The following CELSR1 variants were observed in gnomAD, a reference collection of about 807,000 sequenced individuals.
CELSR1 encodes the protein adhesion G protein-coupled receptor C1.
In CELSR1, 110 loss-of-function variants were observed where a neutral mutation model predicts 249.1. The ratio of observed to expected loss-of-function variants is 0.44; its 90% CI spans 0.38 to 0.52. The LOEUF (loss-of-function observed/expected upper bound fraction) is 0.52, where lower values mean the gene tolerates loss of function less well. CELSR1 is among the 20% of genes least tolerant of loss of function. CELSR1 has a pLI of 0.00. For missense variants in CELSR1, 4,109 were observed against 4,296.4 expected (o/e 0.96, Z 1.22); for synonymous variants, 2,113 against 1,900.0 (o/e 1.11, Z -2.92).
chr22:46,421,476 A>G (rs11705266), intron 5 of CELSR1, among the ~76,000 whole-genome samples: 37,684 of 152,170 alleles, frequency 0.25, 5,534 homozygotes, highest in African/African-American at 0.41. Context: ...CTTGCCTCCG[A>G]GAATCACCAC....
In CELSR1 at chr22:46,377,091, G is replaced by C. The variant is rs116079347; in HGVS notation, c.7554C>G (p.Phe2518Leu). ...TTTCCGTCTGGTTGATCCCAATCACGAACACCAGCTGAGAGAGGAAGAGCG... is the reference window on the plus strand; with the variant it reads ...TTTCCGTCTGGTTGATCCCAATCACCAACACCAGCTGAGAGAGGAAGAGCG... ...AVALFLSQLVFVIGINQTENP... is the reference protein window; with the variant it reads ...AVALFLSQLVLVIGINQTENP... The change falls in exon 24 of 35, where the codon TTC becomes TTG. Residue 2518 changes from phenylalanine to leucine, a missense_variant. Physicochemically the swap from Phe to Leu is conservative, Grantham distance 22. Transcript: ENST00000674500. 1 of 1,613,254 alleles carries C rather than the reference G, an allele frequency of 6.2e-7. No individual in the cohort carries two copies. Among genetic ancestry groups the C allele is most frequent in the Non-Finnish European group, 8.5e-7 (1 of 1,179,874 alleles).
At position 46,488,723 on chromosome 22, in the gene CELSR1, G is replaced by C. The variant is rs1389995716; in HGVS notation, c.3545-24378C>G. ...CACCCAGGCTGGAGTTCAGTGGCGT[G>C]ATCTCGGCTCACTGCAAGCTCCACC... On this transcript the variant is annotated intron_variant, in intron 1 of 34. Coordinates refer to ENST00000674500, the MANE Select transcript of CELSR1 (RefSeq NM_001378328.1). The surrounding 1 kb of genome is among the most constrained non-coding windows in gnomAD (Gnocchi z 4.7). Among the ~76,000 whole-genome samples the C allele has an allele frequency of 1.3e-5, 2 of 150,944 alleles. No individual in the cohort carries two copies. The highest frequency in any genetic ancestry group is 2.9e-5 in the Non-Finnish European group (2 of 67,822).
rs749327821 is a variant in CELSR1, at chr22:46,439,169, G to A, written c.4406+20C>T. ...TTTCCTAAAGAGACCCCCGTGTGGC[G>A]CGGCGGGACGCACACTCACGTGAGG... On this transcript the variant is annotated intron_variant, in intron 3 of 34. Transcript: ENST00000674500. The A allele has an allele frequency of 6.8e-5, 109 of 1,601,384 alleles. No individual in the cohort carries two copies. The highest frequency in any genetic ancestry group is 2.1e-4 in the South Asian group (19 of 90,040).
At chr22:46,463,133 A>G (rs1283308590) in intron 2 of CELSR1, among the ~76,000 whole-genome samples, 1 of 152,196 alleles carries the variant, frequency 6.6e-6, no homozygotes, top group Non-Finnish European at 1.5e-5. Flanking sequence ...ACCTTGTCCT[A>G]CTGTTCTCCT....
rs1195640552 is a variant in CELSR1 at position 46,490,857 on chromosome 22, G to A, written c.3545-26512C>T. ...GTGCCGCACCCTGATCCTCCAGGCA[G>A]TCCAAATGGCCAGGTGTCATTTTCG... is the stretch of plus-strand genomic sequence containing the variant. On this transcript the variant is annotated intron_variant, in intron 1 of 34. Coordinates refer to ENST00000674500, the MANE Select transcript of CELSR1 (RefSeq NM_001378328.1). The surrounding 1 kb of genome is among the most constrained non-coding windows in gnomAD (Gnocchi z 5.2). Among the ~76,000 whole-genome samples, 2 of 152,174 alleles carry A rather than the reference G, an allele frequency of 1.3e-5. No homozygotes were observed. Among genetic ancestry groups the A allele is most frequent in the Non-Finnish European group, 2.9e-5 (2 of 68,034 alleles).
chr22:46,384,361 C>G (rs891076001), intron 20 of CELSR1, among the ~76,000 whole-genome samples, 182 bp downstream of exon 20: 3 of 152,232 alleles, frequency 2.0e-5, no homozygotes, highest in African/African-American at 7.2e-5. Context: ...GATGTTCAGC[C>G]TGTACCTGAG....
At chr22:46,425,212 T>C (rs761894090) in intron 5 of CELSR1, among the ~76,000 whole-genome samples, 1 of 152,216 alleles carries the variant, frequency 6.6e-6, no homozygotes, top group Non-Finnish European at 1.5e-5. Flanking sequence ...CAGGTTTCTG[T>C]GTCAACATGA....
intron 1 of CELSR1, among the ~76,000 whole-genome samples, chr22:46,520,028 C>T (rs1210924475): frequency 6.6e-6 from 1 of 152,052 alleles, no homozygotes; most frequent in Admixed American, 6.6e-5. Context: ...CCCGCTACCA[C>T]ATCCAGCTAA....
intron 5 of CELSR1, among the ~76,000 whole-genome samples, chr22:46,414,013 C>T (rs1200527186): frequency 6.6e-6 from 1 of 152,178 alleles, no homozygotes; most frequent in Admixed American, 6.5e-5. Context: ...CTGTAAACTG[C>T]TGCTGGTAAT....
At chr22:46,508,522 G>A (rs1602225113) in intron 1 of CELSR1, among the ~76,000 whole-genome samples, 8 of 147,476 alleles carry the variant, frequency 5.4e-5, no homozygotes, top group Middle Eastern at 3.5e-3. Context: ...CTCACAGCCG[G>A]GGTCCCCTCC....
rs528578402 is a variant in CELSR1 at position 46,374,240 on chromosome 22, G to C, written c.7585-1183C>G. Among the ~76,000 whole-genome samples the C allele has an allele frequency of 2.0e-5, 3 of 152,332 alleles. No homozygotes were observed. Among genetic ancestry groups the C allele is most frequent in the East Asian group, 1.9e-4 (1 of 5,180 alleles). The stretch of plus-strand genomic sequence containing the variant: ...ATCACACTGGCTCAGGAAAAGGAAG[G>C]GGGTGAGAAGGTTGGTTGGCTGGAT... On this transcript the variant is annotated intron_variant, in intron 24 of 34. Transcript: ENST00000674500. This position sits in a 1 kb window ranked among gnomAD's most constrained non-coding sequence, Gnocchi z 4.3.
At chr22:46,522,111 AAC>A (rs2080692224) in intron 1 of CELSR1, among the ~76,000 whole-genome samples, 1 of 152,016 alleles carries the variant, frequency 6.6e-6, no homozygotes, top group Non-Finnish European at 1.5e-5. Flanking sequence ...CTCACTGGCA[AAC>A]AGTTATTGCC....
chr22:46,532,738 G>A (rs1006937560), intron 1 of CELSR1, among the ~76,000 whole-genome samples: 5 of 152,162 alleles, frequency 3.3e-5, no homozygotes, highest in African/African-American at 1.2e-4. Context: ...AAGAGCCACT[G>A]GGGGACCTTT....
chr22:46,384,371 G>C (rs1020806261), intron 20 of CELSR1, among the ~76,000 whole-genome samples, 172 bp downstream of exon 20: 1 of 152,218 alleles, frequency 6.6e-6, no homozygotes, highest in African/African-American at 2.4e-5. Context: ...CTGTACCTGA[G>C]CACTTGAACA....
In CELSR1 at chr22:46,391,041, G is replaced by A. The variant is rs2079084827; in HGVS notation, c.6250+145C>T. On this transcript the variant is annotated intron_variant, in intron 16 of 34. Transcript: ENST00000674500. This position sits in a 1 kb window ranked among gnomAD's most constrained non-coding sequence, Gnocchi z 4.3. ...GCCTGCTTTGTGTATTTCCTGGTAG[G>A]GAAAAGGCGATCGGATTTCTCCCCA... is the stretch of plus-strand genomic sequence containing the variant. 4.5e-6 allele frequency: 3 copies of A among 672,584 alleles called. No individual in the cohort carries two copies. Among genetic ancestry groups the A allele is most frequent in the South Asian group, 3.6e-5 (2 of 55,476 alleles). 41.7% of individuals were successfully genotyped at this position (672,584 alleles called of 1,614,324 possible).
At chr22:46,505,304 G>C (rs1307597121) in intron 1 of CELSR1, among the ~76,000 whole-genome samples, 1 of 142,030 alleles carries the variant, frequency 7.0e-6, no homozygotes, top group Non-Finnish European at 1.5e-5. Flanking sequence ...GTCTTCATTT[G>C]CTAGAACGCA....
chr22:46,457,723 C>T (rs553788003), intron 2 of CELSR1, among the ~76,000 whole-genome samples: 3 of 152,220 alleles, frequency 2.0e-5, no homozygotes, highest in South Asian at 4.1e-4. Context: ...AGCACGAGGG[C>T]GGACCCACAT....
chr22:46,458,034 C>A (rs1191120520), intron 2 of CELSR1, among the ~76,000 whole-genome samples: 1 of 152,368 alleles, frequency 6.6e-6, no homozygotes, highest in Non-Finnish European at 1.5e-5. Flanking sequence ...ACGCTGCTGT[C>A]TGCATCTAGT....
At chr22:46,481,858 T>C in intron 1 of CELSR1, 1 of 197,774 alleles carries the variant, frequency 5.1e-6, no homozygotes, top group South Asian at 1.3e-4. Context: ...CTGCAACCTC[T>C]GCCTCCCGGG....
Sources: allele counts gnomAD v4.1 joint callset (sites outside exome capture counted in the v4.1 genomes callset), GRCh38; gene constraint gnomAD v4.1.1; non-coding constraint Gnocchi (gnomAD v3.1); transcripts MANE v1.5; gene names NCBI Gene and HGNC (gene_info 2026-07-23, HGNC 2026-07-21).